Variants in PDE4D observed in about 807,000 individuals in gnomAD.
The protein encoded by PDE4D is 3',5'-cyclic-AMP phosphodiesterase 4D.
A neutral mutation model predicts 87.4 loss-of-function variants in PDE4D; 24 were observed. That is an observed-to-expected ratio of 0.27 (90% CI 0.20 to 0.39). The LOEUF (loss-of-function observed/expected upper bound fraction) is 0.39. Among genes scored for constraint, PDE4D ranks in the 10% least tolerant of loss-of-function variants. The pLI is 1.00. For synonymous variants in PDE4D, 384 were observed against 383.2 expected (o/e 1.00, Z -0.02); for missense variants, 714 against 1,041.0 (o/e 0.69, Z 4.32).
intron 1 of PDE4D, among the ~76,000 whole-genome samples, chr5:59,864,646 T>C (rs192349756): frequency 2.2e-4 from 33 of 152,320 alleles, no homozygotes; most frequent in South Asian, 4.1e-4. Flanking sequence ...GATTGCCCTC[T>C]GAGTTTGAAT....
At chr5:60,116,403 C>T (rs1413534577) in intron 2 of PDE4D, among the ~76,000 whole-genome samples, 1 of 152,062 alleles carries the variant, frequency 6.6e-6, no homozygotes, top group Non-Finnish European at 1.5e-5. Context: ...CTTATGCCTA[C>T]TGACACCCCC....
At chr5:59,617,888 T>C (rs1195826899) in intron 1 of PDE4D, among the ~76,000 whole-genome samples, 1 of 152,186 alleles carries the variant, frequency 6.6e-6, no homozygotes, top group African/African-American at 2.4e-5. Context: ...ACTCCTACCA[T>C]ACCAATGAAG....
chr5:59,583,370 C>CTGGCA (rs1561263443), intron 1 of PDE4D, among the ~76,000 whole-genome samples: 2 of 152,132 alleles, frequency 1.3e-5, no homozygotes, highest in Non-Finnish European at 2.9e-5. Context: ...CCATGCCATA[C>CTGGCA]TTGTTCCTGA....
At chr5:59,038,285 T>C (rs1758909376) in intron 6 of PDE4D, among the ~76,000 whole-genome samples, 1 of 152,186 alleles carries the variant, frequency 6.6e-6, no homozygotes, top group African/African-American at 2.4e-5. Context: ...CTCAAAAAAC[T>C]GGGCTTTCTT....
chr5:59,289,684 T>A (rs538593824), intron 1 of PDE4D, among the ~76,000 whole-genome samples: 2 of 152,080 alleles, frequency 1.3e-5, no homozygotes, highest in African/African-American at 2.4e-5. Context: ...ATACTGGAAG[T>A]CCTTGCTAGA....
At chr5:59,719,520 C>G (rs1755527233) in intron 1 of PDE4D, among the ~76,000 whole-genome samples, 1 of 152,032 alleles carries the variant, frequency 6.6e-6, no homozygotes, top group Non-Finnish European at 1.5e-5. Context: ...GCTTTCCAAC[C>G]AGGTCTCAAA....
At chr5:59,186,274 T>C (rs1742891748) in intron 3 of PDE4D, among the ~76,000 whole-genome samples, 1 of 152,206 alleles carries the variant, frequency 6.6e-6, no homozygotes, top group Non-Finnish European at 1.5e-5. Context: ...AACCTCTTTG[T>C]ACCTCAGCTT....
intron 1 of PDE4D, among the ~76,000 whole-genome samples, chr5:59,854,756 T>A (rs543767060): frequency 1.1e-3 from 171 of 152,032 alleles, no homozygotes; most frequent in African/African-American, 4.0e-3. Flanking sequence ...TAGAGACAAG[T>A]AAAAAGAAAA....
At chr5:60,318,795 G>C (rs1475294756) in intron 1 of PDE4D, among the ~76,000 whole-genome samples, 1 of 152,078 alleles carries the variant, frequency 6.6e-6, no homozygotes, top group Non-Finnish European at 1.5e-5. Context: ...TTTTCTTTAA[G>C]AATGTTGAAT....
At chr5:59,979,026 G>A (rs1761637943) in intron 3 of PDE4D, among the ~76,000 whole-genome samples, 1 of 152,036 alleles carries the variant, frequency 6.6e-6, no homozygotes, top group Non-Finnish European at 1.5e-5. Flanking sequence ...TATATGCACT[G>A]GAAAGCCAAA....
intron 1 of PDE4D, among the ~76,000 whole-genome samples, chr5:59,451,419 A>G (rs1243859240): frequency 6.6e-6 from 1 of 152,156 alleles, no homozygotes; most frequent in Non-Finnish European, 1.5e-5. Flanking sequence ...TTTGGTCTGC[A>G]TCTGCCTCCT....
intron 1 of PDE4D, among the ~76,000 whole-genome samples, chr5:59,319,252 A>G (rs1412400697): frequency 6.6e-6 from 1 of 152,060 alleles, no homozygotes; most frequent in Non-Finnish European, 1.5e-5. Context: ...TCAAGGGAAA[A>G]TAAACAAAAT....
intron 2 of PDE4D, among the ~76,000 whole-genome samples, chr5:60,030,173 G>A (rs1029987996): frequency 2.0e-5 from 3 of 152,140 alleles, no homozygotes; most frequent in African/African-American, 2.4e-5. Context: ...GGTTAAGGCC[G>A]GGCGCGGTGG....
chr5:59,971,801 C>T (rs1428096379), intron 3 of PDE4D, among the ~76,000 whole-genome samples: 1 of 152,188 alleles, frequency 6.6e-6, no homozygotes, highest in Non-Finnish European at 1.5e-5. Flanking sequence ...AGTCAGGGCA[C>T]TTTCTGTACT....
intron 1 of PDE4D, among the ~76,000 whole-genome samples, chr5:59,452,938 G>T (rs1485041788): frequency 6.7e-6 from 1 of 149,264 alleles, no homozygotes; most frequent in African/African-American, 2.5e-5. Flanking sequence ...TTGTTTTGTT[G>T]TGCTTTGCAG....
intron 1 of PDE4D, among the ~76,000 whole-genome samples, chr5:59,759,144 TTCTA>T (rs1465534343): frequency 7.9e-5 from 12 of 152,164 alleles, no homozygotes; most frequent in East Asian, 3.9e-4. Flanking sequence ...TTTGGTAGCT[TTCTA>T]TCTAAGAAAA....
At chr5:59,859,869 G>A (rs1745999083) in intron 1 of PDE4D, among the ~76,000 whole-genome samples, 1 of 152,108 alleles carries the variant, frequency 6.6e-6, no homozygotes. Flanking sequence ...AGATTGATAT[G>A]ATCAAGTTTA....
rs865781582 is a variant in PDE4D, at chr5:60,030,342, C to T, written c.43-41625G>A. On this transcript the variant is annotated intron_variant, in intron 2 of 16. Coordinates refer to the PDE4D transcript ENST00000502484. ...GCGGGCACCTGTAGTCCCAGCTACT[C>T]GGGAGGCTGAGGCAGGAGAATGGCG... 4.6e-5 allele frequency among the ~76,000 whole-genome samples: 7 copies of T among 152,100 alleles called. No homozygotes were observed. The South Asian group carries it at 1.5e-3, about 32-fold the overall frequency.
intron 2 of PDE4D, among the ~76,000 whole-genome samples, chr5:59,995,945 G>A (rs1763488274): frequency 1.3e-5 from 2 of 152,154 alleles, no homozygotes; most frequent in South Asian, 2.1e-4. Context: ...TTAGGAAAGA[G>A]GAAATGGTAT....
Sources: allele counts gnomAD v4.1 joint callset (sites outside exome capture counted in the v4.1 genomes callset), GRCh38; gene constraint gnomAD v4.1.1; transcripts MANE v1.5; gene names NCBI Gene and HGNC (gene_info 2026-07-23, HGNC 2026-07-21).